NRG1: variants seen among roughly 807,000 people sequenced by gnomAD.
NRG1 encodes the protein pro-neuregulin-1, membrane-bound isoform.
NRG1 carries 18 observed loss-of-function variants against 63.8 expected under a neutral mutation model. That is an observed-to-expected ratio of 0.28 (90% CI 0.19 to 0.42). The LOEUF (loss-of-function observed/expected upper bound fraction) is 0.42. NRG1 is among the 10% of genes least tolerant of loss of function. The pLI, the probability that NRG1 is intolerant of heterozygous loss-of-function variation, is 1.00. For synonymous variants in NRG1, 302 were observed against 301.3 expected, an observed-to-expected ratio of 1.00 and a Z score of -0.02; for missense variants, 762 against 814.7, an observed-to-expected ratio of 0.94 and a Z score of 0.79.
intron 1 of NRG1, among the ~76,000 whole-genome samples, chr8:31,651,111 AC>A (rs1449125516): frequency 6.6e-6 from 1 of 152,208 alleles, no homozygotes; most frequent in Admixed American, 6.5e-5. Context: ...CAACTGTGAA[AC>A]TTTTAGACAC....
intron 1 of NRG1, among the ~76,000 whole-genome samples, chr8:32,323,122 A>G (rs933682533): frequency 6.6e-6 from 1 of 152,186 alleles, no homozygotes; most frequent in African/African-American, 2.4e-5. Context: ...CACATAAAAT[A>G]GTATATGAGG....
At chr8:32,027,537 C>T (rs1385317340) in intron 1 of NRG1, among the ~76,000 whole-genome samples, 2 of 131,614 alleles carry the variant, frequency 1.5e-5, no homozygotes, top group African/African-American at 5.4e-5. Flanking sequence ...TCTTTTTGCT[C>T]ATGCTTGTGT....
intron 1 of NRG1, among the ~76,000 whole-genome samples, chr8:32,579,041 C>G (rs965689319): frequency 6.6e-6 from 1 of 152,102 alleles, no homozygotes; most frequent in African/African-American, 2.4e-5. Context: ...AAAAATACTG[C>G]TACTTAAGTA....
chr8:32,404,405 T>C (rs1393998449), intron 1 of NRG1, among the ~76,000 whole-genome samples: 1 of 152,048 alleles, frequency 6.6e-6, no homozygotes, highest in African/African-American at 2.4e-5. Context: ...TATGCCTACT[T>C]TATTCATCAT....
At chr8:32,087,245 C>T (rs1437683911) in intron 1 of NRG1, among the ~76,000 whole-genome samples, 2 of 151,986 alleles carry the variant, frequency 1.3e-5, no homozygotes, top group Non-Finnish European at 2.9e-5. Flanking sequence ...TTAGTACCAT[C>T]TGCTTGGTGA....
At chr8:32,002,902 CTG>C (rs1813172021) in intron 1 of NRG1, among the ~76,000 whole-genome samples, 1 of 151,950 alleles carries the variant, frequency 6.6e-6, no homozygotes. Context: ...TTGTTTTTTT[CTG>C]TAAAATCCTA....
intron 1 of NRG1, among the ~76,000 whole-genome samples, chr8:31,991,403 T>G (rs370748819): frequency 1.6e-5 from 1 of 62,106 alleles, no homozygotes; most frequent in Non-Finnish European, 4.5e-5. Context: ...TTCTTCTTCT[T>G]CTCCTTCTTC....
At chr8:32,039,423 T>C (rs956110320) in intron 1 of NRG1, among the ~76,000 whole-genome samples, 1 of 152,198 alleles carries the variant, frequency 6.6e-6, no homozygotes, top group Admixed American at 6.5e-5. Context: ...GTTTGCTTAG[T>C]CTCTCAGATG....
At chr8:31,760,496 T>C (rs531482809) in intron 1 of NRG1, among the ~76,000 whole-genome samples, 44 of 152,124 alleles carry the variant, frequency 2.9e-4, no homozygotes, top group Non-Finnish European at 7.4e-5. Context: ...AAAGAAACTA[T>C]CATCAGAATG....
At chr8:32,475,068 T>A (rs2129491497) in intron 1 of NRG1, among the ~76,000 whole-genome samples, 1 of 152,238 alleles carries the variant, frequency 6.6e-6, no homozygotes, top group African/African-American at 2.4e-5. Context: ...ACTTCCTGGC[T>A]TTTACTACCT....
intron 1 of NRG1, among the ~76,000 whole-genome samples, chr8:31,734,855 C>T (rs1442810864): frequency 1.3e-5 from 2 of 152,094 alleles, no homozygotes; most frequent in Non-Finnish European, 2.9e-5. Flanking sequence ...GTCTCCCTAG[C>T]CTCTTAGGTT....
intron 1 of NRG1, among the ~76,000 whole-genome samples, chr8:31,820,036 T>C (rs1425188228): frequency 6.6e-6 from 1 of 152,140 alleles, no homozygotes; most frequent in East Asian, 1.9e-4. Flanking sequence ...CGAGTCTGCC[T>C]CTAGGAATTA....
intron 1 of NRG1, among the ~76,000 whole-genome samples, chr8:32,338,529 A>G (rs1803631748): frequency 6.6e-6 from 1 of 152,150 alleles, no homozygotes; most frequent in African/African-American, 2.4e-5. Flanking sequence ...GTGAAAAACA[A>G]GCAGTCAAGT....
In NRG1 at chr8:32,723,845, A is replaced by T. The variant is rs147520384; in HGVS notation, c.503-4104A>T. Among the ~76,000 whole-genome samples, 1,215 of 151,938 alleles carry T rather than the reference A, an allele frequency of 8.0e-3. 12 individuals carry two copies. Among genetic ancestry groups the T allele is most frequent in the African/African-American group, 0.028 (1,164 of 41,422 alleles). ...GAAAGAAGAAGGGCATGAAGGAAGG[A>T]GGGAGTCCTTTTGTGTGGTAAAGGA... On this transcript the variant is annotated intron_variant, in intron 5 of 11. Coordinates refer to ENST00000356819, the Ensembl canonical transcript of NRG1.
rs71208175 is a variant in NRG1, at chr8:32,366,677, GTATATATATATATATATATATATA to G, written c.38-229137_38-229114del. On this transcript the variant is annotated intron_variant, in intron 1 of 10. Transcript: ENST00000519301. ...ATTGTGTGTGTGTGTGTGTGTGTGTGTATATATATATATATATATATATATATATATATATATCTCACTTTTTTT... is the reference window on the plus strand; with the variant it reads ...ATTGTGTGTGTGTGTGTGTGTGTGTGTATATATATATATCTCACTTTTTTT... Among the ~76,000 whole-genome samples the G allele has an allele frequency of 5.6e-3, 487 of 87,522 alleles. 14 individuals carry two copies. The East Asian group carries it at 0.1, about 18-fold the overall frequency. 57.4% of individuals were successfully genotyped at this position (87,522 alleles called of 152,430 possible).
intron 1 of NRG1, among the ~76,000 whole-genome samples, chr8:31,686,768 G>A (rs959749406): frequency 2.0e-5 from 3 of 151,604 alleles, no homozygotes; most frequent in Non-Finnish European, 4.4e-5. Flanking sequence ...TGTTGTTTTT[G>A]TTTTTGTTTT....
chr8:32,392,261 G>A (rs1315938510), intron 1 of NRG1, among the ~76,000 whole-genome samples: 4 of 152,144 alleles, frequency 2.6e-5, no homozygotes, highest in Non-Finnish European at 5.9e-5. Context: ...CTTGAGACAG[G>A]AATTGCATTC....
At chr8:32,616,470 T>C (rs538805235) in intron 4 of NRG1, among the ~76,000 whole-genome samples, 10 of 152,258 alleles carry the variant, frequency 6.6e-5, no homozygotes, top group African/African-American at 2.2e-4. Context: ...GCTATTCTCT[T>C]TGGTTTCATG....
At chr8:32,640,245 T>TCACACACACACACACACA (rs111977984) in intron 5 of NRG1, among the ~76,000 whole-genome samples, 11 of 147,648 alleles carry the variant, frequency 7.5e-5, no homozygotes, top group South Asian at 2.2e-4. Context: ...CTTCTTTTTG[T>TCACACACACACACACACA]CACACACACA....
Sources: allele counts gnomAD v4.1 joint callset (sites outside exome capture counted in the v4.1 genomes callset), GRCh38; gene constraint gnomAD v4.1.1; transcripts MANE v1.5; gene names NCBI Gene and HGNC (gene_info 2026-07-23, HGNC 2026-07-21).